The following ANO2 variants were observed in gnomAD, a reference collection of about 807,000 sequenced individuals.
ANO2 encodes the protein anoctamin-2.
In ANO2, 101 loss-of-function variants were observed where a neutral mutation model predicts 124.2. The observed-to-expected ratio is 0.81, with a 90% CI of 0.69 to 0.96. The LOEUF (loss-of-function observed/expected upper bound fraction) is 0.96, where lower values mean the gene tolerates loss of function less well. Ranked by LOEUF, ANO2 falls within the 40% of genes least tolerant of loss-of-function variation. The pLI is 0.00. For missense variants in ANO2, 1,293 were observed against 1,274.5 expected (o/e 1.01, Z -0.22); for synonymous variants, 486 against 482.5 (o/e 1.01, Z -0.09).
rs80015839 is a variant in ANO2, at chr12:5,629,116, A to G, written c.1816+6036T>C. On this transcript the variant is annotated intron_variant, in intron 16 of 24. Coordinates refer to ENST00000682330, the MANE Select transcript of ANO2 (RefSeq NM_001364791.2). ...ACTAATACTCTTTTTTCAAGCAACT[A>G]CAATGAACCCAACCCTGTGACTTGG... 3.7e-3 allele frequency among the ~76,000 whole-genome samples: 556 copies of G among 152,310 alleles called. 2 individuals carry two copies. Among genetic ancestry groups the G allele is most frequent in the Middle Eastern group, 0.01 (3 of 294 alleles).
rs1941522738 is a variant in ANO2, at chr12:5,563,018, G to A, written c.*281C>T. 2.2e-6 allele frequency: 1 copy of A among 458,274 alleles called. No individual in the cohort carries two copies. The highest frequency in any genetic ancestry group is 2.8e-5 in the South Asian group (1 of 35,338). 28.4% of individuals were successfully genotyped at this position (458,274 alleles called of 1,614,324 possible). Reference sequence around the variant, plus strand: ...ATGCTCGCGGTGCCTGAGACTCTGGGGTGGAGAGACCCCAGTGGGGTTCCA... The same window carrying A: ...ATGCTCGCGGTGCCTGAGACTCTGGAGTGGAGAGACCCCAGTGGGGTTCCA... On this transcript the variant is annotated 3_prime_UTR_variant, in exon 25 of 25. Transcript: ENST00000682330.
chr12:5,635,205 A>T lies in ANO2; in HGVS notation c.1763T>A (p.Ile588Asn). Residue 588 changes from isoleucine (I) to asparagine (N), a missense_variant, in exon 16 of 25, where the codon ATC (isoleucine) becomes AAC (asparagine). Transcript: ENST00000682330. This position sits in a 1 kb window ranked among gnomAD's most constrained non-coding sequence, Gnocchi z 5.2. The part of the protein sequence containing the change: ...ATAVIINLVV[I>N]LILDEIYGAV... ...GCCGTAGATCTCGTCCAGGATGAGG[A>T]TGACCACGAGGTTGATGATGACTGC... 1 of 1,610,110 alleles carries T rather than the reference A, an allele frequency of 6.2e-7. No individual in the cohort carries two copies. The highest frequency in any genetic ancestry group is 8.5e-7 in the Non-Finnish European group (1 of 1,178,674).
intron 14 of ANO2, among the ~76,000 whole-genome samples, chr12:5,680,780 T>C (rs946323530): frequency 1.3e-5 from 2 of 152,102 alleles, no homozygotes; most frequent in Non-Finnish European, 2.9e-5. Flanking sequence ...AAAGAAACGA[T>C]CCCAGGGAAC....
chr12:5,817,763 C>T (rs1389648900), intron 7 of ANO2, among the ~76,000 whole-genome samples: 3 of 152,132 alleles, frequency 2.0e-5, no homozygotes, highest in Admixed American at 1.3e-4. Context: ...TGGTGGTATC[C>T]ATCCAGCAAC....
intron 3 of ANO2, among the ~76,000 whole-genome samples, chr12:5,895,715 A>G (rs1357402091): frequency 6.6e-6 from 1 of 152,114 alleles, no homozygotes; most frequent in Admixed American, 6.6e-5. Context: ...ACTATGAAAA[A>G]CAGTATGGAG....
chr12:5,915,039 G>C (rs1953941637), intron 3 of ANO2, among the ~76,000 whole-genome samples: 1 of 152,180 alleles, frequency 6.6e-6, no homozygotes, highest in African/African-American at 2.4e-5. Flanking sequence ...AGGACTACAG[G>C]AAACTCTCTG....
intron 16 of ANO2, among the ~76,000 whole-genome samples, chr12:5,634,543 T>C (rs1210031283): frequency 6.6e-6 from 1 of 152,154 alleles, no homozygotes; most frequent in Non-Finnish European, 1.5e-5. Flanking sequence ...TGCCAAGATG[T>C]GGTGCTCGGG....
intron 11 of ANO2, among the ~76,000 whole-genome samples, chr12:5,748,051 T>G (rs763015126): frequency 3.3e-5 from 5 of 152,136 alleles, no homozygotes; most frequent in Non-Finnish European, 7.4e-5. Context: ...TATCTGCACG[T>G]GCATGAGTGT....
At chr12:5,691,315 A>T (rs1319032596) in intron 14 of ANO2, among the ~76,000 whole-genome samples, 3 of 137,618 alleles carry the variant, frequency 2.2e-5, no homozygotes, top group Non-Finnish European at 4.7e-5. Flanking sequence ...GCAACAGAGC[A>T]AGACTCCATC....
intron 4 of ANO2, among the ~76,000 whole-genome samples, chr12:5,847,121 T>A (rs1395852231): frequency 6.6e-6 from 1 of 152,098 alleles, no homozygotes; most frequent in Non-Finnish European, 1.5e-5. Flanking sequence ...CAGATTACCC[T>A]CCCTAATGTG....
intron 16 of ANO2, among the ~76,000 whole-genome samples, chr12:5,625,390 C>G (rs1412095958): frequency 6.6e-6 from 1 of 151,346 alleles, no homozygotes; most frequent in Non-Finnish European, 1.5e-5. Context: ...GAGAGAGCTC[C>G]AGGGAGTGAG....
rs918307035 is a variant in ANO2 at position 5,919,696 on chromosome 12, G to T, written c.534+1344C>A. ...AGTTTGGGGGAGATGGCAAGGGAAG[G>T]TCATTTTTTTTTCTTTTTTGAGACG... On this transcript the variant is annotated intron_variant, in intron 3 of 24. Transcript: ENST00000682330. Among the ~76,000 whole-genome samples, 2 of 113,136 alleles carry T rather than the reference G, an allele frequency of 1.8e-5. 1 individual carries two copies. 74.2% of individuals were successfully genotyped at this position (113,136 alleles called of 152,430 possible). A position where few individuals can be genotyped will look rare whatever the true frequency, so the allele number is the denominator to read the frequency against.
chr12:5,734,930 G>A (rs931785440), intron 13 of ANO2, among the ~76,000 whole-genome samples: 3 of 152,182 alleles, frequency 2.0e-5, no homozygotes, highest in African/African-American at 4.8e-5. Context: ...GATTACAGGC[G>A]TGAACCACTG....
Position 5,658,072 on chromosome 12 carries a change from T to A in ANO2, c.1546-10271A>T, listed in dbSNP as rs187573766. Among the ~76,000 whole-genome samples the A allele has an allele frequency of 2.3e-4, 30 of 131,346 alleles. No individual in the cohort carries two copies. The highest frequency in any genetic ancestry group is 7.8e-4 in the African/African-American group (30 of 38,434). 86.2% of individuals were successfully genotyped at this position (131,346 alleles called of 152,430 possible). On this transcript the variant is annotated intron_variant, in intron 14 of 24. Transcript: ENST00000682330. The surrounding 1 kb of genome is among the most constrained non-coding windows in gnomAD (Gnocchi z 4.3). ...CTCATTTGTCTTTCTCTCCCTCTCC[T>A]CATCCCCCTTTTCTTCTTCCTTGCT...
At chr12:5,737,529 T>C (rs1379189291) in intron 13 of ANO2, among the ~76,000 whole-genome samples, 2 of 152,192 alleles carry the variant, frequency 1.3e-5, no homozygotes, top group Non-Finnish European at 2.9e-5. Context: ...CGTGAGGGCT[T>C]CCTCAACTCT....
intron 10 of ANO2, among the ~76,000 whole-genome samples, chr12:5,756,769 G>C (rs1341929088): frequency 6.6e-6 from 1 of 152,250 alleles, no homozygotes; most frequent in Non-Finnish European, 1.5e-5. Context: ...CTGCATGAGA[G>C]TAGGGCTGCA....
intron 3 of ANO2, among the ~76,000 whole-genome samples, chr12:5,894,973 G>C (rs1248381361): frequency 6.6e-6 from 1 of 152,058 alleles, no homozygotes; most frequent in Non-Finnish European, 1.5e-5. Context: ...TGGATATATG[G>C]GCTCTCTTTT....
intron 14 of ANO2, among the ~76,000 whole-genome samples, chr12:5,655,356 C>A (rs528013493): frequency 2.0e-5 from 3 of 152,266 alleles, no homozygotes; most frequent in Middle Eastern, 3.4e-3. Flanking sequence ...CAGACTTTTG[C>A]AGGTACCTTA....
chr12:5,843,378 T>C (rs1164970754), intron 4 of ANO2, among the ~76,000 whole-genome samples: 2 of 151,998 alleles, frequency 1.3e-5, no homozygotes, highest in African/African-American at 2.4e-5. Flanking sequence ...GGTGAAACCC[T>C]GTCTCTAGTA....
Sources: allele counts gnomAD v4.1 joint callset (sites outside exome capture counted in the v4.1 genomes callset), GRCh38; gene constraint gnomAD v4.1.1; non-coding constraint Gnocchi (gnomAD v3.1); transcripts MANE v1.5; gene names NCBI Gene and HGNC (gene_info 2026-07-23, HGNC 2026-07-21).